Variants in ACSF3 observed in about 807,000 individuals in gnomAD.
The protein encoded by ACSF3 is acyl-CoA synthetase family member 3.
In ACSF3, 78 loss-of-function variants were observed where a neutral mutation model predicts 53.2. The ratio of observed to expected loss-of-function variants is 1.47; its 90% confidence interval spans 1.22 to 1.77. The LOEUF is 1.77. Ranked by LOEUF, ACSF3 falls within the 40% of genes most tolerant of loss-of-function variation. ACSF3 has a pLI of 0.00. For missense variants in ACSF3, 937 were observed against 771.1 expected, an observed-to-expected ratio of 1.22 and a Z score of -2.55; for synonymous variants, 414 against 333.1, an observed-to-expected ratio of 1.24 and a Z score of -2.65.
intron 4 of ACSF3, among the ~76,000 whole-genome samples, chr16:89,106,920 T>C (rs1272543241): frequency 3.9e-5 from 6 of 152,180 alleles, no homozygotes; most frequent in African/African-American, 1.4e-4. Context: ...AAGATGGATG[T>C]GCAGCCACAG....
rs1043193614 is a variant in ACSF3, at chr16:89,124,217, C to T, written c.1239+3304C>T. On this transcript the variant is annotated intron_variant, in intron 7 of 10. Coordinates refer to ENST00000614302, the MANE Select transcript of ACSF3 (RefSeq NM_001243279.3). ...CACACATAAATACAGAAAAAAAGACCTGATGGAAACCCCAGAAGTCAATAT... is the reference window on the plus strand; with the variant it reads ...CACACATAAATACAGAAAAAAAGACTTGATGGAAACCCCAGAAGTCAATAT... 8.0e-4 allele frequency among the ~76,000 whole-genome samples: 122 copies of T among 152,260 alleles called. 1 individual carries two copies. Among genetic ancestry groups the T allele is most frequent in the East Asian group, 3.9e-4 (2 of 5,170 alleles).
intron 8 of ACSF3, among the ~76,000 whole-genome samples, chr16:89,135,400 T>C (rs1910225319): frequency 6.6e-6 from 1 of 152,194 alleles, no homozygotes; most frequent in Non-Finnish European, 1.5e-5. Flanking sequence ...GTGTGGCAGT[T>C]CCGCACGTTT....
rs568942215 is a variant in ACSF3, at chr16:89,124,615, ATGTG to A, written c.1239+3707_1239+3710del. ...TGATACCCATGCATGCACTGCGTGT[ATGTG>A]TGTGATACCTGTGCACATACCATGT... On this transcript the variant is annotated intron_variant, in intron 7 of 10. Coordinates refer to ENST00000614302, the MANE Select transcript of ACSF3 (RefSeq NM_001243279.3). Among the ~76,000 whole-genome samples the A allele has an allele frequency of 1.9e-3, 288 of 151,442 alleles. 1 individual carries two copies. Among genetic ancestry groups the A allele is most frequent in the African/African-American group, 6.8e-3 (279 of 41,234 alleles).
intron 4 of ACSF3, among the ~76,000 whole-genome samples, chr16:89,108,835 G>A (rs1976332476): frequency 6.6e-6 from 1 of 152,174 alleles, no homozygotes; most frequent in African/African-American, 2.4e-5. Flanking sequence ...ATGCTGCTAT[G>A]AACATTTACA....
chr16:89,100,368 T>G (rs1975127986), intron 2 of ACSF3, among the ~76,000 whole-genome samples: 1 of 152,266 alleles, frequency 6.6e-6, no homozygotes, highest in Non-Finnish European at 1.5e-5. Context: ...GTGTTGAATT[T>G]TATATGCTTC....
chr16:89,123,844 A>G lies in ACSF3; in HGVS notation c.1239+2931A>G, dbSNP rs1208923331. Among the ~76,000 whole-genome samples the G allele has an allele frequency of 3.9e-5, 6 of 152,220 alleles. No homozygotes were observed. The East Asian group carries it at 5.8e-4, about 15-fold the overall frequency. Reference sequence around the variant, plus strand: ...CCAGGCCCAGGGCTCAGCCTCCTCCATCACCTCGCTGAGGGGCTGGCTCCT... The same window carrying G: ...CCAGGCCCAGGGCTCAGCCTCCTCCGTCACCTCGCTGAGGGGCTGGCTCCT... On this transcript the variant is annotated intron_variant, in intron 7 of 10. Coordinates refer to ENST00000614302, the MANE Select transcript of ACSF3 (RefSeq NM_001243279.3).
At chr16:89,119,338 G>C (rs1041056808) in intron 6 of ACSF3, among the ~76,000 whole-genome samples, 5 of 152,216 alleles carry the variant, frequency 3.3e-5, no homozygotes, top group African/African-American at 1.2e-4. Flanking sequence ...AAGGCCGCCT[G>C]TGATGGTCCT....
intron 7 of ACSF3, among the ~76,000 whole-genome samples, chr16:89,128,965 A>C (rs980089256): frequency 5.1e-5 from 1 of 19,486 alleles, no homozygotes; most frequent in South Asian, 4.2e-4. Context: ...ATCTCTACAA[A>C]AAGTTGGAAA....
intron 8 of ACSF3, among the ~76,000 whole-genome samples, chr16:89,143,535 A>G (rs1167747475): frequency 6.6e-6 from 1 of 152,136 alleles, no homozygotes; most frequent in Non-Finnish European, 1.5e-5. Flanking sequence ...GGTGCGATTA[A>G]GAGATGCTAT....
chr16:89,145,888 A>G lies in ACSF3; in HGVS notation c.1502-50A>G, dbSNP rs777232025. Reference sequence around the variant, plus strand: ...TGTGTCCAGGCACTCTTCGGCCTGTAAGGGTCACTGAGGCATCCCCATGTT... The same window carrying G: ...TGTGTCCAGGCACTCTTCGGCCTGTGAGGGTCACTGAGGCATCCCCATGTT... On this transcript the variant is annotated intron_variant, in intron 9 of 10. Coordinates refer to ENST00000614302, the MANE Select transcript of ACSF3 (RefSeq NM_001243279.3). 20 of 1,504,772 alleles carry G rather than the reference A, an allele frequency of 1.3e-5. No homozygotes were observed. In the South Asian group the frequency reaches 2.1e-4, roughly 16 times the overall value. 93.2% of individuals were successfully genotyped at this position (1,504,772 alleles called of 1,614,324 possible). A position where few individuals can be genotyped will look rare whatever the true frequency, so the allele number is the denominator to read the frequency against.
intron 7 of ACSF3, among the ~76,000 whole-genome samples, chr16:89,131,120 TCTTTTTC>T (rs1909196638): frequency 7.3e-6 from 1 of 136,800 alleles, no homozygotes; most frequent in African/African-American, 2.6e-5. Context: ...TTTTTCTTTT[TCTTTTTC>T]TTTTTTTTTT....
intron 4 of ACSF3, among the ~76,000 whole-genome samples, chr16:89,107,393 C>T (rs528891131): frequency 3.9e-5 from 6 of 152,250 alleles, no homozygotes; most frequent in South Asian, 2.1e-4. Context: ...TCCTGCTACA[C>T]GCATGCTCTC....
intron 4 of ACSF3, among the ~76,000 whole-genome samples, chr16:89,110,662 G>A (rs1053459019): frequency 3.9e-5 from 6 of 152,146 alleles, no homozygotes; most frequent in South Asian, 2.1e-4. Context: ...CGTGTAAAAC[G>A]TAGGATAAGT....
At chr16:89,140,803 T>C (rs1377070048) in intron 8 of ACSF3, among the ~76,000 whole-genome samples, 1 of 152,106 alleles carries the variant, frequency 6.6e-6, no homozygotes, top group African/African-American at 2.4e-5. Context: ...AATCTGAGTA[T>C]TGGAAGATTT....
At chr16:89,131,523 T>C (rs1909323729) in intron 7 of ACSF3, among the ~76,000 whole-genome samples, 1 of 152,064 alleles carries the variant, frequency 6.6e-6, no homozygotes, top group African/African-American at 2.4e-5. Flanking sequence ...TTTTTTCCCG[T>C]GTTGAGTAAC....
At chr16:89,147,540 GGCCACAGAGCGAGGAGGGGGTGGGAGGA>G (rs1913318071) in intron 10 of ACSF3, 1 of 90,682 alleles carries the variant, frequency 1.1e-5, no homozygotes, top group African/African-American at 4.3e-5. Flanking sequence ...GGGGGGGAGG[GGCCACAGAGCGAGGAGGGGGTGGGAGGA>G]GCCACAGAGC....
chr16:89,141,811 G>T (rs1437888632), intron 8 of ACSF3, among the ~76,000 whole-genome samples: 1 of 152,198 alleles, frequency 6.6e-6, no homozygotes, highest in African/African-American at 2.4e-5. Context: ...CTGCCACCAT[G>T]CACTGAGGGC....
chr16:89,100,637 C>T (rs763738880), intron 2 of ACSF3, 25 bp from the exon 3 acceptor site: 35 of 1,587,808 alleles, frequency 2.2e-5, no homozygotes, highest in Non-Finnish European at 2.9e-5. Context: ...TGGGCACTCA[C>T]GTCCTGTGCC....
intron 4 of ACSF3, among the ~76,000 whole-genome samples, chr16:89,105,464 G>A (rs1470154465): frequency 6.6e-6 from 1 of 152,158 alleles, no homozygotes; most frequent in African/African-American, 2.4e-5. Flanking sequence ...GTGGTGCAGC[G>A]CCTGGTGTGT....
Sources: gnomAD v4.1 joint callset for allele counts (sites outside exome capture counted in the v4.1 genomes callset) on GRCh38, gnomAD v4.1.1 for gene constraint, MANE v1.5 for transcripts, NCBI Gene and HGNC (gene_info 2026-07-23, HGNC 2026-07-21) for gene names.